NPEPPS: variants seen among roughly 807,000 people sequenced by gnomAD.
The protein encoded by NPEPPS is aminopeptidase puromycin sensitive, also known as puromycin-sensitive aminopeptidase.
A neutral mutation model predicts 115.5 loss-of-function variants in NPEPPS; 14 were observed. The observed-to-expected ratio is 0.12, with a 90% CI of 0.08 to 0.19. The LOEUF (loss-of-function observed/expected upper bound fraction) is 0.19. Among genes scored for constraint, NPEPPS ranks in the 10% least tolerant of loss-of-function variants. The pLI is 1.00. For missense variants in NPEPPS, 523 were observed against 1,110.8 expected, an observed-to-expected ratio of 0.47 and a Z score of 7.52; for synonymous variants, 285 against 390.6, an observed-to-expected ratio of 0.73 and a Z score of 3.19.
intron 3 of NPEPPS, among the ~76,000 whole-genome samples, chr17:47,570,370 C>T (rs1001083459): frequency 2.0e-5 from 3 of 152,146 alleles, no homozygotes; most frequent in African/African-American, 4.8e-5. Context: ...TGCAGTGAAC[C>T]GAGATCGTGC....
In NPEPPS at chr17:47,579,930, C is replaced by CGTGT. The variant is rs10591746; in HGVS notation, c.540+450_540+453dup. 1.0e-2 allele frequency: 1,463 copies of CGTGT among 146,594 alleles called. 12 individuals are homozygous for CGTGT. Among genetic ancestry groups the CGTGT allele is most frequent in the African/African-American group, 0.026 (983 of 37,382 alleles). The allele number at this position is 146,594 out of a possible 1,614,324, so 9.1% of individuals were successfully genotyped here. A position where few individuals can be genotyped will look rare whatever the true frequency, so the allele number is the denominator to read the frequency against. On this transcript the variant is annotated intron_variant, in intron 4 of 22. Coordinates refer to ENST00000322157, the MANE Select transcript of NPEPPS (RefSeq NM_006310.4). ...TGCTGTCTTTGATTTTTTTTTTCTC[C>CGTGT]GTGTGTGTGTGTGTGTGTGTGTGTG...
intron 2 of NPEPPS, among the ~76,000 whole-genome samples, chr17:47,549,965 C>T (rs1303233875): frequency 3.9e-4 from 57 of 146,790 alleles, no homozygotes; most frequent in African/African-American, 1.0e-3. Flanking sequence ...GATGGAGTCT[C>T]GCTCTGTCAC....
intron 1 of NPEPPS, among the ~76,000 whole-genome samples, chr17:47,540,136 A>G (rs548772957): frequency 2.0e-5 from 3 of 152,146 alleles, no homozygotes; most frequent in Non-Finnish European, 4.4e-5. Flanking sequence ...CCAGGCGTCA[A>G]GCTGCCTCTT....
At chr17:47,530,711 A>G (rs1452068274), upstream of NPEPPS, among the ~76,000 whole-genome samples, 1 of 152,210 alleles carries the variant, frequency 6.6e-6, no homozygotes, top group Non-Finnish European at 1.5e-5. Flanking sequence ...GCTACTTAAC[A>G]GGAACTAAGG....
intron 3 of NPEPPS, among the ~76,000 whole-genome samples, chr17:47,571,712 C>T (rs1260730961): frequency 1.3e-5 from 2 of 151,980 alleles, no homozygotes; most frequent in South Asian, 2.1e-4. Context: ...AGTGAGACTC[C>T]GTCCCAAAAA....
At chr17:47,534,306 C>T (rs1908032930) in intron 1 of NPEPPS, among the ~76,000 whole-genome samples, 1 of 152,102 alleles carries the variant, frequency 6.6e-6, no homozygotes, top group African/African-American at 2.4e-5. Flanking sequence ...GTCTCGACCT[C>T]CTGACCTCGT....
intron 4 of NPEPPS, chr17:47,579,905 T>C (rs1214074712): frequency 2.2e-5 from 4 of 180,812 alleles, no homozygotes; most frequent in Non-Finnish European, 3.5e-5. Flanking sequence ...GTAGTATCTG[T>C]GCTGTCTTTG....
At chr17:47,619,389 A>G (rs1445453182) in intron 21 of NPEPPS, 8 of 540,414 alleles carry the variant, frequency 1.5e-5, no homozygotes, top group African/African-American at 5.7e-5. Context: ...TCCTGTCCCT[A>G]CTAAAAATAC....
In NPEPPS at chr17:47,622,556, A is replaced by C. The variant is rs1914646992; in HGVS notation, c.*636A>C. 1 of 247,190 alleles carries C rather than the reference A, an allele frequency of 4.0e-6. No individual in the cohort carries two copies. The highest frequency in any genetic ancestry group is 2.4e-5 in the African/African-American group (1 of 42,094). The allele number at this position is 247,190 out of a possible 1,614,324, so 15.3% of individuals were successfully genotyped here. ...GTGACCGACCCCTTGGCCAAAAAAA[A>C]ACAAAAAGCAAAAAACAAAAACCTA... On this transcript the variant is annotated 3_prime_UTR_variant, in exon 23 of 23. Transcript: ENST00000322157.
intron 2 of NPEPPS, among the ~76,000 whole-genome samples, chr17:47,549,741 A>C (rs1201944506): frequency 1.4e-5 from 2 of 143,376 alleles, no homozygotes; most frequent in Admixed American, 7.3e-5. Context: ...AGATTGTGCC[A>C]CTGCACTCCA....
intron 2 of NPEPPS, among the ~76,000 whole-genome samples, chr17:47,552,123 C>T (rs1180796507): frequency 6.7e-6 from 1 of 149,532 alleles, no homozygotes; most frequent in Non-Finnish European, 1.5e-5. Context: ...TGTGCCACCA[C>T]ACCTGGCTAA....
chr17:47,591,508 C>T (rs1438651111), intron 10 of NPEPPS, among the ~76,000 whole-genome samples: 3 of 152,142 alleles, frequency 2.0e-5, no homozygotes, highest in Non-Finnish European at 2.9e-5. Flanking sequence ...ATTCTCTTGA[C>T]TTAGCCTATC....
At chr17:47,576,650 C>T (rs943193502) in intron 3 of NPEPPS, among the ~76,000 whole-genome samples, 7 of 152,110 alleles carry the variant, frequency 4.6e-5, no homozygotes, top group African/African-American at 1.7e-4. Flanking sequence ...GTTATACTCT[C>T]CTAAGCTTTA....
intron 13 of NPEPPS, among the ~76,000 whole-genome samples, chr17:47,597,064 C>G (rs981206194): frequency 6.8e-6 from 1 of 147,406 alleles, no homozygotes; most frequent in Non-Finnish European, 1.5e-5. Flanking sequence ...AAAAAAAAAT[C>G]AATGTATTGA....
At chr17:47,561,369 A>AAAT in intron 2 of NPEPPS, among the ~76,000 whole-genome samples, 1 of 150,298 alleles carries the variant, frequency 6.7e-6, no homozygotes, top group Non-Finnish European at 1.5e-5. Context: ...AAAAAAAAAA[A>AAAT]GATTGGGGGG....
intron 2 of NPEPPS, among the ~76,000 whole-genome samples, chr17:47,550,244 CTTTGTGTAAG>C (rs1256337399): frequency 6.6e-6 from 1 of 150,690 alleles, no homozygotes; most frequent in Non-Finnish European, 1.5e-5. Context: ...ATTGTTACTT[CTTTGTGTAAG>C]TTTTTATTTG....
At position 47,621,259 on chromosome 17, in the gene NPEPPS, A is replaced by G. The variant is rs145212485; in HGVS notation, c.2608-509A>G. 5.9e-3 allele frequency among the ~76,000 whole-genome samples: 889 copies of G among 151,906 alleles called. 4 individuals are homozygous for G. Among genetic ancestry groups the G allele is most frequent in the African/African-American group, 0.017 (714 of 41,426 alleles). ...GCAATTTAAACTTCTTTGTATTATCATCCCTTACAAATTAATCTTTATTTG... is the reference window on the plus strand; with the variant it reads ...GCAATTTAAACTTCTTTGTATTATCGTCCCTTACAAATTAATCTTTATTTG... On this transcript the variant is annotated intron_variant, in intron 22 of 22. Transcript: ENST00000322157.
chr17:47,579,564 C>G (rs1911735067), intron 4 of NPEPPS, 53 bp downstream of exon 4: 67 of 1,534,770 alleles, frequency 4.4e-5, no homozygotes, highest in Non-Finnish European at 5.8e-5. Flanking sequence ...GGCATTCTGA[C>G]AAAGCTGTGT....
chr17:47,531,775 G>A (rs1476753745), intron 1 of NPEPPS, among the ~76,000 whole-genome samples: 1 of 152,050 alleles, frequency 6.6e-6, no homozygotes, highest in African/African-American at 2.4e-5. Flanking sequence ...GCTGAGGCTG[G>A]GGCTCGGGCT....
Sources: allele counts gnomAD v4.1 joint callset (sites outside exome capture counted in the v4.1 genomes callset), GRCh38; gene constraint gnomAD v4.1.1; transcripts MANE v1.5; gene names NCBI Gene and HGNC (gene_info 2026-07-23, HGNC 2026-07-21).